The following FCRL6 variants were observed in gnomAD, a reference collection of about 807,000 sequenced individuals.
FCRL6 encodes Fc receptor like 6.
A neutral mutation model predicts 49.1 loss-of-function variants in FCRL6; 50 were observed. The ratio of observed to expected loss-of-function variants is 1.02; its 90% confidence interval spans 0.81 to 1.29. The LOEUF is 1.29. Ranked by LOEUF, FCRL6 falls within the 50% of genes most tolerant of loss-of-function variation. The probability of loss-of-function intolerance (pLI) is 0.00; values close to 1 mark genes in which losing one functional copy is unlikely to be tolerated. For synonymous variants in FCRL6, 213 were observed against 199.6 expected (o/e 1.07, Z -0.57); for missense variants, 571 against 518.5 (o/e 1.10, Z -0.98).
chr1:159,808,226 C>A lies in FCRL6; in HGVS notation c.101C>A (p.Ala34Asp). The A allele has an allele frequency of 6.2e-7, 1 of 1,614,018 alleles. No individual in the cohort carries two copies. The highest frequency in any genetic ancestry group is 1.3e-5 in the African/African-American group (1 of 75,052). Reference sequence around the variant, plus strand: ...CCAAACCCTGTGTTTGAAGGAGATGCCCTGACTCTGCGATGTCAGGGATGG... The same window carrying A: ...CCAAACCCTGTGTTTGAAGGAGATGACCTGACTCTGCGATGTCAGGGATGG... ...AWPNPVFEGD[A>D]LTLRCQGWKN... is the part of the protein sequence containing the mutation. Residue 34 changes from alanine to aspartate, a missense_variant, in exon 3 of 10, where the codon GCC becomes GAC. Physicochemically the swap from Ala to Asp is moderately radical, Grantham distance 126. Coordinates refer to ENST00000368106, the MANE Select transcript of FCRL6 (RefSeq NM_001004310.3).
intron 1 of FCRL6, 91 bp from the exon 2 acceptor site, chr1:159,806,505 G>T (rs1662693857): frequency 8.7e-7 from 1 of 1,153,458 alleles, no homozygotes; most frequent in East Asian, 2.3e-5. Context: ...GGTTGAATGG[G>T]TGTAAGTCCC....
At chr1:159,805,002 T>C (rs1285380920) in intron 1 of FCRL6, among the ~76,000 whole-genome samples, 1 of 152,218 alleles carries the variant, frequency 6.6e-6, no homozygotes, top group Non-Finnish European at 1.5e-5. Flanking sequence ...TTATGTGATA[T>C]GACAGAATGA....
In FCRL6 at chr1:159,806,685, G is replaced by A. The variant is rs978780047; in HGVS notation, c.52+69G>A. 6 of 1,508,198 alleles carry A rather than the reference G, an allele frequency of 4.0e-6. No individual in the cohort carries two copies. The African/African-American group carries it at 6.9e-5, about 17-fold the overall frequency. 93.4% of individuals were successfully genotyped at this position (1,508,198 alleles called of 1,614,324 possible). A position where few individuals can be genotyped will look rare whatever the true frequency, so the allele number is the denominator to read the frequency against. On this transcript the variant is annotated intron_variant, in intron 2 of 9. Coordinates refer to ENST00000368106, the MANE Select transcript of FCRL6 (RefSeq NM_001004310.3). Reference sequence around the variant, plus strand: ...GGCCAAAACTTACTGGATGGGAACAGGACAGTGCCATGGGGTCCCCCAGAA... The same window carrying A: ...GGCCAAAACTTACTGGATGGGAACAAGACAGTGCCATGGGGTCCCCCAGAA...
rs540216640 is a variant in FCRL6, at chr1:159,812,270, A to T, written c.1010-1219A>T. Among the ~76,000 whole-genome samples the T allele has an allele frequency of 2.0e-5, 3 of 152,370 alleles. No individual in the cohort carries two copies. The South Asian group carries it at 6.2e-4, about 32-fold the overall frequency. ...AATTCCTTAGCTACGCAGGAAAAACAGCCAGATCAATAGCCTTGTTCTCCA... is the reference window on the plus strand; with the variant it reads ...AATTCCTTAGCTACGCAGGAAAAACTGCCAGATCAATAGCCTTGTTCTCCA... On this transcript the variant is annotated intron_variant, in intron 6 of 9. Transcript: ENST00000368106.
chr1:159,812,652 A>G (rs1390406051), intron 6 of FCRL6, among the ~76,000 whole-genome samples: 1 of 152,232 alleles, frequency 6.6e-6, no homozygotes, highest in Non-Finnish European at 1.5e-5. Context: ...GCGTTGGAGA[A>G]TGCTTAATCA....
intron 2 of FCRL6, among the ~76,000 whole-genome samples, chr1:159,807,416 G>A (rs1662764529): frequency 2.6e-5 from 4 of 152,238 alleles, no homozygotes; most frequent in African/African-American, 7.2e-5. Context: ...ACAGGCTGGG[G>A]ACAGATACAG....
In FCRL6 at chr1:159,809,085, C is replaced by T. The variant is rs1262895532; in HGVS notation, c.444C>T (p.Ser148=). 2 of 1,614,104 alleles carry T rather than the reference C, an allele frequency of 1.2e-6. No individual in the cohort carries two copies. The highest frequency in any genetic ancestry group is 1.7e-6 in the Non-Finnish European group (2 of 1,179,976). ...PLRSALRLLF[S]FHKDGHTLQD... ...GGTCAGCCTTGAGGCTCCTTTTCTC[C>T]TTCCACAAGGACGGCCACACCTTGC... Residue 148 remains serine (S), a synonymous_variant, in exon 4 of 10, where the codon TCC becomes TCT. Coordinates refer to ENST00000368106, the MANE Select transcript of FCRL6 (RefSeq NM_001004310.3).
chr1:159,806,325 G>A (rs78448079), intron 1 of FCRL6, among the ~76,000 whole-genome samples: 1,558 of 152,260 alleles, frequency 0.01, 19 homozygotes, highest in African/African-American at 0.036. Context: ...CAGCACAAAC[G>A]TTGAGTAGTC....
chr1:159,805,639 A>T (rs1256170803), intron 1 of FCRL6, among the ~76,000 whole-genome samples: 1 of 152,214 alleles, frequency 6.6e-6, no homozygotes, highest in Non-Finnish European at 1.5e-5. Flanking sequence ...GTTCTCACAC[A>T]TTCACTCATT....
chr1:159,812,902 G>T (rs1165682541), intron 6 of FCRL6, among the ~76,000 whole-genome samples: 5 of 152,188 alleles, frequency 3.3e-5, no homozygotes, highest in African/African-American at 1.2e-4. Context: ...GTAGAGAAAA[G>T]GCATGCAAAC....
chr1:159,806,465 G>GA, intron 1 of FCRL6, 131 bp from the exon 2 acceptor site: 17 of 797,644 alleles, frequency 2.1e-5, no homozygotes, highest in Non-Finnish European at 3.6e-5. Context: ...GTGTGGATGG[G>GA]TGGCTAGGAG....
At chr1:159,812,817 A>G (rs1663166184) in intron 6 of FCRL6, among the ~76,000 whole-genome samples, 1 of 152,208 alleles carries the variant, frequency 6.6e-6, no homozygotes, top group Admixed American at 6.5e-5. Context: ...TAAAATCTAC[A>G]TGTGACTCAA....
intron 6 of FCRL6, among the ~76,000 whole-genome samples, chr1:159,811,711 G>A (rs1663096344): frequency 6.6e-6 from 1 of 152,168 alleles, no homozygotes; most frequent in Non-Finnish European, 1.5e-5. Flanking sequence ...TTCAATACAG[G>A]CTAGACTTGC....
chr1:159,808,988 C>T lies in FCRL6; in HGVS notation c.347C>T (p.Ala116Val), dbSNP rs143079884. 7.0e-5 allele frequency: 113 copies of T among 1,612,268 alleles called. No individual in the cohort carries two copies. Among genetic ancestry groups the T allele is most frequent in the Middle Eastern group, 1.6e-4 (1 of 6,072 alleles). Residue 116 changes from alanine to valine, a missense_variant, in exon 4 of 10, where the codon GCC becomes GTC. Ala to Val is a moderately conservative substitution (Grantham distance 64). Coordinates refer to ENST00000368106, the MANE Select transcript of FCRL6 (RefSeq NM_001004310.3). ...QELFPPPVLS[A>V]IPSPEPREGS... ...CTGTTTCCACCTCCTGTGCTGAGTGCCATCCCCTCTCCTGAGCCCCGAGAG... is the reference window on the plus strand; with the variant it reads ...CTGTTTCCACCTCCTGTGCTGAGTGTCATCCCCTCTCCTGAGCCCCGAGAG...
upstream of FCRL6, among the ~76,000 whole-genome samples, chr1:159,801,944 T>C (rs1662359306): frequency 6.6e-6 from 1 of 151,778 alleles, no homozygotes; most frequent in African/African-American, 2.4e-5. Flanking sequence ...CCACACACAT[T>C]TACCTCTGGA....
upstream of FCRL6, among the ~76,000 whole-genome samples, chr1:159,801,922 G>T (rs551268557): frequency 6.6e-6 from 1 of 151,846 alleles, no homozygotes; most frequent in East Asian, 1.9e-4. Flanking sequence ...CTTCTCCATC[G>T]CATTGCAGCA....
intron 6 of FCRL6, among the ~76,000 whole-genome samples, chr1:159,810,942 A>C (rs1663055447): frequency 6.6e-6 from 1 of 152,212 alleles, no homozygotes; most frequent in South Asian, 2.1e-4. Context: ...GGTGCTCAGT[A>C]AATTCTCATT....
chr1:159,800,707 T>C (rs1464888508), upstream of FCRL6: 2 of 1,127,540 alleles, frequency 1.8e-6, no homozygotes, highest in Non-Finnish European at 2.6e-6. Context: ...TGCCTGGCAG[T>C]GTCAAATTAG....
At chr1:159,814,386 C>A in intron 8 of FCRL6, 94 bp downstream of exon 8, 1 of 868,168 alleles carries the variant, frequency 1.2e-6, no homozygotes, top group African/African-American at 1.7e-5. Context: ...CCACTTTTAT[C>A]ATTACTGTGA....
Sources: gnomAD v4.1 joint callset for allele counts (sites outside exome capture counted in the v4.1 genomes callset) on GRCh38, gnomAD v4.1.1 for gene constraint, MANE v1.5 for transcripts, NCBI Gene and HGNC (gene_info 2026-07-23, HGNC 2026-07-21) for gene names.